The following NSL1 variants were observed in gnomAD, a reference collection of about 807,000 sequenced individuals.
NSL1 encodes kinetochore-associated protein NSL1 homolog.
Under a neutral mutation model 25.4 loss-of-function variants are expected in NSL1, and 11 were observed. That is an observed-to-expected ratio of 0.43 (90% CI 0.27 to 0.72). NSL1 has a LOEUF of 0.72. Ranked by LOEUF, NSL1 falls within the 30% of genes least tolerant of loss-of-function variation. NSL1 has a pLI of 0.19. For synonymous variants in NSL1, 118 were observed against 120.6 expected (o/e 0.98, Z 0.14); for missense variants, 330 against 342.7 (o/e 0.96, Z 0.29).
At chr1:212,772,847 A>T (rs1022284427) in intron 4 of NSL1, among the ~76,000 whole-genome samples, 1 of 152,232 alleles carries the variant, frequency 6.6e-6, no homozygotes, top group Non-Finnish European at 1.5e-5. Context: ...ATTGGTATTT[A>T]AAAAGACATG....
intron 4 of NSL1, among the ~76,000 whole-genome samples, chr1:212,779,299 C>A (rs558599049): frequency 2.8e-5 from 4 of 145,174 alleles, no homozygotes; most frequent in African/African-American, 7.6e-5. Flanking sequence ...GTCAGCCCCC[C>A]GCCCAGCCAG....
chr1:212,743,737 C>A (rs1658616055), intron 4 of NSL1, among the ~76,000 whole-genome samples: 1 of 152,062 alleles, frequency 6.6e-6, no homozygotes, highest in African/African-American at 2.4e-5. Flanking sequence ...GGAAAACAGT[C>A]AAGGGTTTTC....
At chr1:212,745,562 G>A (rs1268359531) in intron 4 of NSL1, among the ~76,000 whole-genome samples, 2 of 152,244 alleles carry the variant, frequency 1.3e-5, no homozygotes, top group East Asian at 1.9e-4. Context: ...GGAGGATATG[G>A]TTAAAGTGCT....
chr1:212,744,792 G>GGT (rs1558041543), intron 4 of NSL1, among the ~76,000 whole-genome samples: 1 of 152,080 alleles, frequency 6.6e-6, no homozygotes. Flanking sequence ...GGAACTTGAA[G>GGT]GTAGGCCAAA....
At chr1:212,758,867 C>T (rs1004846201) in intron 4 of NSL1, among the ~76,000 whole-genome samples, 1 of 152,152 alleles carries the variant, frequency 6.6e-6, no homozygotes, top group African/African-American at 2.4e-5. Context: ...AAGACTCATA[C>T]TTTCTGATTT....
Position 212,748,094 on chromosome 1 carries a change from TA to T in NSL1, c.500-8494del, listed in dbSNP as rs1329559081. Among the ~76,000 whole-genome samples, 22 of 152,334 alleles carry T rather than the reference TA, an allele frequency of 1.4e-4. No individual in the cohort carries two copies. In the East Asian group the frequency reaches 4.2e-3, roughly 29 times the overall value. The stretch of plus-strand genomic sequence containing the variant: ...CTTTCAAATAATATATGATTGTAGA[TA>T]AATACTATAATTCCTTCACTTTAAT... On this transcript the variant is annotated intron_variant, in intron 4 of 5. Transcript: ENST00000366977.
At chr1:212,767,114 A>G (rs1018362513) in intron 4 of NSL1, among the ~76,000 whole-genome samples, 8 of 152,210 alleles carry the variant, frequency 5.3e-5, no homozygotes, top group Non-Finnish European at 1.2e-4. Flanking sequence ...ATGAAACCAA[A>G]AAAGAGCCCA....
chr1:212,785,018 A>C (rs1175637754), intron 2 of NSL1, among the ~76,000 whole-genome samples: 2 of 152,230 alleles, frequency 1.3e-5, no homozygotes, highest in Non-Finnish European at 2.9e-5. Flanking sequence ...ACCTGAGAAA[A>C]GTTCTAAATG....
intron 4 of NSL1, among the ~76,000 whole-genome samples, chr1:212,752,281 G>A (rs1659101755): frequency 6.6e-6 from 1 of 152,090 alleles, no homozygotes; most frequent in Non-Finnish European, 1.5e-5. Context: ...TTCCCAGTGG[G>A]AAGTGTATTT....
chr1:212,788,739 G>A (rs1282811955), intron 1 of NSL1, among the ~76,000 whole-genome samples: 1 of 151,990 alleles, frequency 6.6e-6, no homozygotes, highest in African/African-American at 2.4e-5. Context: ...TTAAAATTGT[G>A]GGAAAAAACC....
chr1:212,784,683 A>G (rs79903398), intron 2 of NSL1, among the ~76,000 whole-genome samples, 190 bp from the exon 3 acceptor site: 3,468 of 152,356 alleles, frequency 0.023, 62 homozygotes, highest in South Asian at 0.041. Flanking sequence ...ATTATTGAGC[A>G]TCTATAAGAA....
intron 1 of NSL1, among the ~76,000 whole-genome samples, chr1:212,788,165 T>A (rs1257687522): frequency 6.6e-6 from 1 of 152,146 alleles, no homozygotes; most frequent in Non-Finnish European, 1.5e-5. Flanking sequence ...TATAATCCCA[T>A]CACTTTGGGA....
rs943923658 is a variant in NSL1, at chr1:212,739,471, G to T, written c.567+63C>A. ...GCAGACTAAAACACATATGAATGTT[G>T]AATGCAAATACCTAGCCATACATTT... On this transcript the variant is annotated intron_variant, in intron 5 of 5. Transcript: ENST00000366977. The T allele has an allele frequency of 2.0e-6, 3 of 1,468,404 alleles. No individual in the cohort carries two copies. In the East Asian group the frequency reaches 6.8e-5, roughly 33 times the overall value. The allele number at this position is 1,468,404 out of a possible 1,614,324, so 91.0% of individuals were successfully genotyped here.
rs998617913 is a variant in NSL1, at chr1:212,737,362, T to C, written c.*1046A>G. ...TAATAAGCAAGAGAAATACAGATTT[T>C]CCAACCTCATGATCAGTAAATTCCT... On this transcript the variant is annotated 3_prime_UTR_variant, in exon 6 of 6. Transcript: ENST00000366977. 6 of 984,642 alleles carry C rather than the reference T, an allele frequency of 6.1e-6. No homozygotes were observed. In the African/African-American group the frequency reaches 1.0e-4, roughly 17 times the overall value. The allele number at this position is 984,642 out of a possible 1,614,324, so 61.0% of individuals were successfully genotyped here. A position where few individuals can be genotyped will look rare whatever the true frequency, so the allele number is the denominator to read the frequency against.
At position 212,737,266 on chromosome 1, in the gene NSL1, T is replaced by TAAA. The variant is rs2102426313; in HGVS notation, c.*1141_*1142insTTT. On this transcript the variant is annotated 3_prime_UTR_variant, in exon 6 of 6. Coordinates refer to ENST00000366977, the MANE Select transcript of NSL1 (RefSeq NM_015471.4). ...CACAAAATGCAACAAAGTGGCTTTA[T>TAAA]AAGTTTTCTTCACTGAGACAGACCT... The TAAA allele has an allele frequency of 1.0e-6, 1 of 985,358 alleles. No homozygotes were observed. The highest frequency in any genetic ancestry group is 1.1e-4 in the East Asian group (1 of 8,822). 61.0% of individuals were successfully genotyped at this position (985,358 alleles called of 1,614,324 possible).
chr1:212,762,303 AAAC>A, intron 4 of NSL1, among the ~76,000 whole-genome samples: 1 of 115,432 alleles, frequency 8.7e-6, no homozygotes, highest in Non-Finnish European at 1.9e-5. Flanking sequence ...GTCTTAAAAG[AAAC>A]AAAAAAAAAA....
chr1:212,736,340 G>A lies in NSL1; in HGVS notation c.*2068C>T. 3.0e-6 allele frequency: 3 copies of A among 985,118 alleles called. No homozygotes were observed. Among genetic ancestry groups the A allele is most frequent in the Non-Finnish European group, 3.6e-6 (3 of 829,666 alleles). 61.0% of individuals were successfully genotyped at this position (985,118 alleles called of 1,614,324 possible). On this transcript the variant is annotated 3_prime_UTR_variant, in exon 6 of 6. Transcript: ENST00000366977. ...GCGCCTGGCTATTTCTTTTCTGAAA[G>A]ATAATTTTAAGACCCTATTCAATCC...
intron 4 of NSL1, among the ~76,000 whole-genome samples, chr1:212,751,673 A>G (rs1507359): frequency 0.66 from 100,193 of 151,954 alleles, 33,425 homozygotes; most frequent in Non-Finnish European, 0.69. Flanking sequence ...TAAGTCCTTT[A>G]CATTTAAAAC....
Position 212,738,589 on chromosome 1 carries a change from G to A in NSL1, c.665C>T (p.Ser222Phe), listed in dbSNP as rs1658345677. ...HLQRIHQEVFSSCHRKPDAKP... is the reference protein window; with the variant it reads ...HLQRIHQEVFFSCHRKPDAKP... ...AGCATCTGGTTTCCTATGACAACTGGAAAAGACTTCTTGGTGAATCCTCTG... is the reference window on the plus strand; with the variant it reads ...AGCATCTGGTTTCCTATGACAACTGAAAAAGACTTCTTGGTGAATCCTCTG... Residue 222 changes from serine to phenylalanine, a missense_variant, in exon 6 of 6, where the codon TCC (serine) becomes TTC (phenylalanine). By Grantham distance (155) the Ser-to-Phe change is radical. Transcript: ENST00000366977. 1 of 1,614,002 alleles carries A rather than the reference G, an allele frequency of 6.2e-7. No individual in the cohort carries two copies.
Sources: allele counts gnomAD v4.1 joint callset (sites outside exome capture counted in the v4.1 genomes callset), GRCh38; gene constraint gnomAD v4.1.1; transcripts MANE v1.5; gene names NCBI Gene and HGNC (gene_info 2026-07-23, HGNC 2026-07-21).